The following ZFYVE9 variants were observed in gnomAD, a reference collection of about 807,000 sequenced individuals.
ZFYVE9 encodes zinc finger FYVE domain-containing protein 9.
Under a neutral mutation model 126.7 loss-of-function variants are expected in ZFYVE9, and 43 were observed. The ratio of observed to expected loss-of-function variants is 0.34; its 90% CI spans 0.27 to 0.44. The LOEUF (loss-of-function observed/expected upper bound fraction) is 0.44, where lower values mean the gene tolerates loss of function less well. Ranked by LOEUF, ZFYVE9 falls within the 20% of genes least tolerant of loss-of-function variation. The pLI is 1.00. For synonymous variants in ZFYVE9, 521 were observed against 597.4 expected (o/e 0.87, Z 1.87); for missense variants, 1,476 against 1,697.0 (o/e 0.87, Z 2.29).
chr1:52,345,802 C>T (rs1398114729), intron 18 of ZFYVE9: 3 of 345,060 alleles, frequency 8.7e-6, no homozygotes, highest in Admixed American at 4.4e-5. Flanking sequence ...TTTTTACACA[C>T]CTCTACCCTT....
At chr1:52,231,555 C>T (rs1055464784) in intron 2 of ZFYVE9, among the ~76,000 whole-genome samples, 1 of 152,036 alleles carries the variant, frequency 6.6e-6, no homozygotes, top group Non-Finnish European at 1.5e-5. Flanking sequence ...GCTTATTTGC[C>T]TACCTAAACT....
At chr1:52,327,614 AG>A (rs1646304761) in intron 13 of ZFYVE9, among the ~76,000 whole-genome samples, 1 of 151,706 alleles carries the variant, frequency 6.6e-6, no homozygotes, top group Non-Finnish European at 1.5e-5. Context: ...AAAAAAAAAA[AG>A]TCTTCATGCT....
intron 1 of ZFYVE9, among the ~76,000 whole-genome samples, chr1:52,149,906 C>G (rs1024326106): frequency 6.6e-6 from 1 of 152,174 alleles, no homozygotes; most frequent in African/African-American, 2.4e-5. Context: ...TGGAGCCTTT[C>G]TGGTAGGATT....
chr1:52,187,215 G>A (rs1354554292), intron 1 of ZFYVE9, among the ~76,000 whole-genome samples: 1 of 152,164 alleles, frequency 6.6e-6, no homozygotes, highest in Admixed American at 6.5e-5. Context: ...TAGCAATGGG[G>A]AAAGGACTGC....
At chr1:52,224,987 C>A (rs1028716236) in intron 2 of ZFYVE9, among the ~76,000 whole-genome samples, 23 of 152,034 alleles carry the variant, frequency 1.5e-4, no homozygotes, top group Non-Finnish European at 4.4e-5. Flanking sequence ...TGGTGTAATC[C>A]CCTGACTGGA....
chr1:52,158,734 C>T (rs1263063224), intron 1 of ZFYVE9, among the ~76,000 whole-genome samples: 1 of 152,056 alleles, frequency 6.6e-6, no homozygotes, highest in Non-Finnish European at 1.5e-5. Context: ...GCTTAGTTTT[C>T]AGTTGTTTGT....
At chr1:52,196,035 G>A (rs188877122) in intron 1 of ZFYVE9, among the ~76,000 whole-genome samples, 1,656 of 152,024 alleles carry the variant, frequency 0.011, 30 homozygotes, top group African/African-American at 0.038. Flanking sequence ...CTCGTGATCC[G>A]CCTACCTTGG....
At chr1:52,221,351 T>G (rs1284085421) in intron 2 of ZFYVE9, among the ~76,000 whole-genome samples, 1 of 152,214 alleles carries the variant, frequency 6.6e-6, no homozygotes, top group Non-Finnish European at 1.5e-5. Context: ...TGAGAACTGA[T>G]TAGATCTAAG....
At chr1:52,319,671 A>C (rs1167138880) in intron 13 of ZFYVE9, among the ~76,000 whole-genome samples, 2 of 151,920 alleles carry the variant, frequency 1.3e-5, no homozygotes, top group Non-Finnish European at 2.9e-5. Flanking sequence ...ACTGATCCTG[A>C]AATTTATATG....
chr1:52,184,523 G>C (rs889959612), intron 1 of ZFYVE9, among the ~76,000 whole-genome samples: 1 of 145,676 alleles, frequency 6.9e-6, no homozygotes, highest in Non-Finnish European at 1.5e-5. Flanking sequence ...TGGGATTACA[G>C]GTGTGAGCCA....
chr1:52,160,602 T>C (rs773630866), intron 1 of ZFYVE9: 28 of 712,840 alleles, frequency 3.9e-5, no homozygotes, highest in Non-Finnish European at 6.2e-5. Flanking sequence ...GAATAGTCCA[T>C]AGAGTCGGGC....
intron 1 of ZFYVE9, among the ~76,000 whole-genome samples, chr1:52,171,213 C>T (rs1389387765): frequency 6.6e-6 from 1 of 151,562 alleles, no homozygotes; most frequent in African/African-American, 2.4e-5. Context: ...CATGTGTTCT[C>T]ATTGTTCAAT....
chr1:52,222,772 G>A (rs1645135823), intron 2 of ZFYVE9, among the ~76,000 whole-genome samples: 1 of 152,202 alleles, frequency 6.6e-6, no homozygotes, highest in Non-Finnish European at 1.5e-5. Flanking sequence ...TGTCGGGATG[G>A]ATTTGGCTTT....
intron 8 of ZFYVE9, among the ~76,000 whole-genome samples, chr1:52,275,787 TCCACA>T (rs1387625707): frequency 6.6e-6 from 1 of 152,194 alleles, no homozygotes; most frequent in Non-Finnish European, 1.5e-5. Context: ...CATTTTGTCT[TCCACA>T]CTGTTGCCAG....
intron 13 of ZFYVE9, among the ~76,000 whole-genome samples, chr1:52,305,451 C>T (rs1356630636): frequency 6.6e-6 from 1 of 152,100 alleles, no homozygotes; most frequent in African/African-American, 2.4e-5. Flanking sequence ...CAAACAAAAA[C>T]CTTATGCCTG....
At chr1:52,259,535 C>G (rs113217721) in intron 4 of ZFYVE9, among the ~76,000 whole-genome samples, 7 of 151,778 alleles carry the variant, frequency 4.6e-5, no homozygotes, top group African/African-American at 1.7e-4. Context: ...TGCCTGTAAT[C>G]CCAGCACTTT....
chr1:52,186,819 A>G (rs1042640164), intron 1 of ZFYVE9, among the ~76,000 whole-genome samples: 2 of 152,232 alleles, frequency 1.3e-5, no homozygotes, highest in African/African-American at 2.4e-5. Context: ...GAAATCAGAG[A>G]TGACACAAAC....
Position 52,210,195 on chromosome 1 carries a change from A to C in ZFYVE9, c.-142-6174A>C, listed in dbSNP as rs867335011. 3.9e-5 allele frequency among the ~76,000 whole-genome samples: 6 copies of C among 152,220 alleles called. No homozygotes were observed. The South Asian group carries it at 1.2e-3, about 32-fold the overall frequency. On this transcript the variant is annotated intron_variant, in intron 1 of 18. Transcript: ENST00000287727. ...ATGATAATGCACTTACTCATTAAGG[A>C]GCTGGCTGCTAGGTAAGTTCCTGCG...
At chr1:52,176,217 T>C (rs986381763) in intron 1 of ZFYVE9, among the ~76,000 whole-genome samples, 1 of 152,176 alleles carries the variant, frequency 6.6e-6, no homozygotes, top group African/African-American at 2.4e-5. Flanking sequence ...TTCTAACAGA[T>C]AGGACCCTCA....
Sources: gnomAD v4.1 joint callset for allele counts (sites outside exome capture counted in the v4.1 genomes callset) on GRCh38, gnomAD v4.1.1 for gene constraint, MANE v1.5 for transcripts, NCBI Gene and HGNC (gene_info 2026-07-23, HGNC 2026-07-21) for gene names.